CRIM1: variants seen among roughly 807,000 people sequenced by gnomAD.
The protein encoded by CRIM1 is cysteine rich transmembrane BMP regulator 1.
In CRIM1, 32 loss-of-function variants were observed where a neutral mutation model predicts 116.4. That is an observed-to-expected ratio of 0.27 (90% CI 0.21 to 0.37). The LOEUF is 0.37. Ranked by LOEUF, CRIM1 falls within the 10% of genes least tolerant of loss-of-function variation. The pLI is 1.00. For missense variants in CRIM1, 1,331 were observed against 1,354.8 expected, an observed-to-expected ratio of 0.98 and a Z score of 0.28; for synonymous variants, 590 against 509.2, an observed-to-expected ratio of 1.16 and a Z score of -2.13.
chr2:36,427,382 G>T (rs1423167575), intron 2 of CRIM1, among the ~76,000 whole-genome samples: 1 of 152,136 alleles, frequency 6.6e-6, no homozygotes, highest in East Asian at 1.9e-4. Flanking sequence ...GAGATGTTCA[G>T]GTAATTAACT....
chr2:36,411,757 G>A (rs989804890), intron 2 of CRIM1, among the ~76,000 whole-genome samples: 9 of 152,028 alleles, frequency 5.9e-5, no homozygotes, highest in African/African-American at 2.2e-4. Flanking sequence ...AGTGTTTCCT[G>A]AGAATTTTGG....
chr2:36,462,623 A>T (rs1331399944), intron 4 of CRIM1, among the ~76,000 whole-genome samples: 3 of 152,206 alleles, frequency 2.0e-5, no homozygotes, highest in Non-Finnish European at 2.9e-5. Context: ...GTAGGCAAGA[A>T]TGTGGAATCA....
intron 9 of CRIM1, among the ~76,000 whole-genome samples, chr2:36,510,923 CTT>C (rs1013951561): frequency 2.6e-4 from 28 of 109,168 alleles, no homozygotes; most frequent in Admixed American, 8.4e-4. Context: ...GATTCCTTTT[CTT>C]TTTTTTTTTT....
intron 13 of CRIM1, among the ~76,000 whole-genome samples, chr2:36,525,347 T>C (rs1201068564): frequency 2.0e-5 from 3 of 152,210 alleles, no homozygotes; most frequent in African/African-American, 7.2e-5. Context: ...GGTTTGCGTT[T>C]GGGCTTGTTC....
chr2:36,456,125 C>T (rs1024932107), intron 4 of CRIM1, among the ~76,000 whole-genome samples: 6 of 152,064 alleles, frequency 3.9e-5, no homozygotes, highest in African/African-American at 1.4e-4. Flanking sequence ...GTCCAGACAT[C>T]GTTGGTGTTT....
intron 13 of CRIM1, among the ~76,000 whole-genome samples, chr2:36,533,466 A>T (rs114017410): frequency 6.6e-6 from 1 of 151,954 alleles, no homozygotes; most frequent in Non-Finnish European, 1.5e-5. Flanking sequence ...TCCAGGCATA[A>T]TGGTGCATAC....
chr2:36,524,570 A>C (rs192911889), intron 13 of CRIM1, among the ~76,000 whole-genome samples: 35 of 152,154 alleles, frequency 2.3e-4, no homozygotes, highest in Non-Finnish European at 4.6e-4. Flanking sequence ...TGAGAATTGC[A>C]TGTTACCTTC....
At chr2:36,531,404 G>T (rs1421880805) in intron 13 of CRIM1, among the ~76,000 whole-genome samples, 175 of 142,826 alleles carry the variant, frequency 1.2e-3, no homozygotes, top group African/African-American at 3.9e-3. Context: ...TTGGTTTTTT[G>T]TTTTTTTTTT....
At chr2:36,392,833 A>C (rs934912835) in intron 1 of CRIM1, among the ~76,000 whole-genome samples, 3 of 146,754 alleles carry the variant, frequency 2.0e-5, no homozygotes, top group African/African-American at 7.4e-5. Flanking sequence ...GTTTACTCTC[A>C]AAAAAAAGAA....
At chr2:36,400,188 T>C (rs894519989) in intron 2 of CRIM1, among the ~76,000 whole-genome samples, 4 of 152,162 alleles carry the variant, frequency 2.6e-5, no homozygotes, top group Non-Finnish European at 2.9e-5. Context: ...GTCAGTGATA[T>C]GGAGAGTAGA....
intron 5 of CRIM1, among the ~76,000 whole-genome samples, chr2:36,465,949 A>G (rs1424176134): frequency 1.3e-5 from 2 of 151,124 alleles, no homozygotes; most frequent in African/African-American, 2.4e-5. Flanking sequence ...GCAGTGGCGC[A>G]ATCTCGGCTC....
At chr2:36,417,748 G>C (rs781572585) in intron 2 of CRIM1, among the ~76,000 whole-genome samples, 7 of 152,320 alleles carry the variant, frequency 4.6e-5, no homozygotes, top group African/African-American at 1.7e-4. Context: ...GAGGCTTCCA[G>C]TTTTCTTGGG....
At chr2:36,479,338 C>T (rs1391972988) in intron 6 of CRIM1, among the ~76,000 whole-genome samples, 159 bp from the exon 7 acceptor site, 2 of 152,182 alleles carry the variant, frequency 1.3e-5, no homozygotes, top group Non-Finnish European at 2.9e-5. Flanking sequence ...CTTTTGCATG[C>T]ACCCCCAGAG....
At position 36,407,482 on chromosome 2, in the gene CRIM1, C is replaced by A. The variant is rs187589626; in HGVS notation, c.505+10695C>A. On this transcript the variant is annotated intron_variant, in intron 2 of 16. Coordinates refer to ENST00000280527, the MANE Select transcript of CRIM1 (RefSeq NM_016441.3). ...TTGTCCTTAGAAACATGTTTTAAAT[C>A]GTTGTTCTGATGTCTTGATAACTGG... Among the ~76,000 whole-genome samples the A allele has an allele frequency of 6.1e-3, 929 of 152,024 alleles. 5 individuals carry two copies. The highest frequency in any genetic ancestry group is 6.9e-3 in the Non-Finnish European group (470 of 67,948).
intron 7 of CRIM1, among the ~76,000 whole-genome samples, chr2:36,484,179 G>C (rs1171564583): frequency 6.6e-6 from 1 of 152,136 alleles, no homozygotes; most frequent in East Asian, 1.9e-4. Flanking sequence ...GTTTAACTGG[G>C]GCTTCCCAGA....
intron 13 of CRIM1, among the ~76,000 whole-genome samples, chr2:36,533,505 A>C (rs1012981887): frequency 6.6e-6 from 1 of 152,086 alleles, no homozygotes; most frequent in African/African-American, 2.4e-5. Flanking sequence ...AGGAGGTTAA[A>C]GTAGGAGGAT....
rs752492731 is a variant in CRIM1, at chr2:36,356,523, C to A, written c.231C>A (p.Thr77=). The change falls in exon 1 of 17, where the codon ACC becomes ACA. Residue 77 remains threonine, a synonymous_variant. Transcript: ENST00000280527. This position sits in a 1 kb window ranked among gnomAD's most constrained non-coding sequence, Gnocchi z 4.3. ...AGAGGAACGAGAGCTGCGGCGGCAC[C>A]TTCGGGATTTACGGAACCTGCGACC... ...ASQRNESCGG[T]FGIYGTCDRG... is the part of the protein sequence containing the mutation. 4.3e-6 allele frequency: 7 copies of A among 1,612,842 alleles called. No individual in the cohort carries two copies. In the African/African-American group the frequency reaches 9.3e-5, roughly 22 times the overall value.
At chr2:36,456,327 G>T (rs377585074) in intron 4 of CRIM1, among the ~76,000 whole-genome samples, 1 of 152,134 alleles carries the variant, frequency 6.6e-6, no homozygotes, top group Non-Finnish European at 1.5e-5. Flanking sequence ...AAATCATTAC[G>T]TGTTCATAAA....
At chr2:36,463,161 C>T (rs1677715777) in intron 4 of CRIM1, among the ~76,000 whole-genome samples, 2 of 152,170 alleles carry the variant, frequency 1.3e-5, no homozygotes, top group African/African-American at 4.8e-5. Context: ...TGTTTAAAGC[C>T]ACCTTTCCAG....
Sources: gnomAD v4.1 joint callset for allele counts (sites outside exome capture counted in the v4.1 genomes callset) on GRCh38, gnomAD v4.1.1 for gene constraint, Gnocchi (gnomAD v3.1) non-coding constraint, MANE v1.5 for transcripts, NCBI Gene and HGNC (gene_info 2026-07-23, HGNC 2026-07-21) for gene names.